Variants in MAD1L1 observed in about 807,000 individuals in gnomAD.
The protein encoded by MAD1L1 is mitotic arrest deficient 1 like 1.
Under a neutral mutation model 96.9 loss-of-function variants are expected in MAD1L1, and 95 were observed. The observed-to-expected ratio is 0.98, with a 90% CI of 0.83 to 1.16. The LOEUF is 1.16. Ranked by LOEUF, MAD1L1 falls within the 50% of genes most tolerant of loss-of-function variation. MAD1L1 has a pLI of 0.00. For synonymous variants in MAD1L1, 473 were observed against 396.6 expected, an observed-to-expected ratio of 1.19 and a Z score of -2.29; for missense variants, 1,007 against 954.4, an observed-to-expected ratio of 1.06 and a Z score of -0.73.
At chr7:1,974,292 C>A (rs1008622041) in intron 15 of MAD1L1, among the ~76,000 whole-genome samples, 1 of 152,212 alleles carries the variant, frequency 6.6e-6, no homozygotes, top group African/African-American at 2.4e-5. Context: ...GGCAAACCCA[C>A]CCTGGCACAG....
intron 18 of MAD1L1, among the ~76,000 whole-genome samples, chr7:1,858,943 G>A (rs1285089657): frequency 2.0e-5 from 3 of 152,194 alleles, no homozygotes; most frequent in African/African-American, 2.4e-5. Flanking sequence ...GGACCACCAC[G>A]CCTTTCCACT....
chr7:1,976,798 G>A (rs992851615), intron 15 of MAD1L1, among the ~76,000 whole-genome samples: 8 of 152,182 alleles, frequency 5.3e-5, no homozygotes, highest in Non-Finnish European at 1.2e-4. Flanking sequence ...CCTTGAGGTA[G>A]ACACAGAGTG....
At chr7:1,916,101 C>G (rs1274138848) in intron 17 of MAD1L1, among the ~76,000 whole-genome samples, 4 of 152,308 alleles carry the variant, frequency 2.6e-5, no homozygotes, top group Middle Eastern at 3.4e-3. Context: ...CCCACACACT[C>G]CGCACCCACC....
chr7:2,102,629 C>T (rs1279881115), intron 11 of MAD1L1, among the ~76,000 whole-genome samples: 2 of 151,942 alleles, frequency 1.3e-5, no homozygotes, highest in Admixed American at 6.5e-5. Flanking sequence ...CCACCACCCT[C>T]GCACCATCAT....
intron 16 of MAD1L1, among the ~76,000 whole-genome samples, chr7:1,946,849 G>A (rs956827338): frequency 5.3e-5 from 8 of 152,224 alleles, no homozygotes; most frequent in Non-Finnish European, 8.8e-5. Context: ...GGTGCTCCCG[G>A]GCTGCCTTGT....
At chr7:2,063,804 G>A (rs370537157) in intron 12 of MAD1L1, among the ~76,000 whole-genome samples, 26 of 152,284 alleles carry the variant, frequency 1.7e-4, no homozygotes, top group South Asian at 6.2e-4. Flanking sequence ...CATGATCCAC[G>A]GGCCACTCTG....
intron 11 of MAD1L1, among the ~76,000 whole-genome samples, chr7:2,110,683 C>G (rs1787332809): frequency 6.6e-6 from 1 of 152,180 alleles, no homozygotes; most frequent in African/African-American, 2.4e-5. Flanking sequence ...GAAGAGCCAT[C>G]ATTTCAGACT....
chr7:1,840,532 C>T lies in MAD1L1; in HGVS notation c.1999-24304G>A, dbSNP rs1783193503. ...ATCACCTGAGCTCAGGAGTTCCAGA[C>T]CAGCCTGGCCAACATGGCAAAACCC... On this transcript the variant is annotated intron_variant, in intron 18 of 18. Transcript: ENST00000265854. Among the ~76,000 whole-genome samples, 3 of 152,266 alleles carry T rather than the reference C, an allele frequency of 2.0e-5. No individual in the cohort carries two copies. The South Asian group carries it at 6.2e-4, about 32-fold the overall frequency.
At chr7:2,094,076 T>C (rs1363220561) in intron 11 of MAD1L1, among the ~76,000 whole-genome samples, 21 of 152,186 alleles carry the variant, frequency 1.4e-4, no homozygotes, top group Admixed American at 1.4e-3. Context: ...AGGACAGCAC[T>C]GGTGAGTGGG....
At chr7:1,922,223 G>A (rs1423314827) in intron 17 of MAD1L1, among the ~76,000 whole-genome samples, 5 of 152,204 alleles carry the variant, frequency 3.3e-5, no homozygotes, top group African/African-American at 1.2e-4. Context: ...CATGCAGCTG[G>A]ACCTGGCCGC....
chr7:1,831,906 CT>C (rs1173964109), intron 18 of MAD1L1, among the ~76,000 whole-genome samples: 3 of 152,226 alleles, frequency 2.0e-5, no homozygotes, highest in Non-Finnish European at 4.4e-5. Context: ...TTATTGCTCA[CT>C]GACAATGCAA....
chr7:2,028,200 C>T lies in MAD1L1; in HGVS notation c.1219-13558G>A, dbSNP rs572156644. Among the ~76,000 whole-genome samples, 8 of 151,984 alleles carry T rather than the reference C, an allele frequency of 5.3e-5. No homozygotes were observed. In the East Asian group the frequency reaches 1.2e-3, roughly 22 times the overall value. On this transcript the variant is annotated intron_variant, in intron 12 of 18. Coordinates refer to ENST00000265854, the MANE Select transcript of MAD1L1 (RefSeq NM_001013836.2). ...CAGCACTTTGGGAGGCCGAGGCAGG[C>T]GGATTACGAGGTCAGGAGATCGAGA...
intron 10 of MAD1L1, among the ~76,000 whole-genome samples, chr7:2,198,455 C>G (rs1352014342): frequency 6.6e-6 from 1 of 152,224 alleles, no homozygotes; most frequent in Non-Finnish European, 1.5e-5. Flanking sequence ...GCTCTAAGCC[C>G]AGGGCTGAGA....
At chr7:1,859,090 G>A (rs572082241) in intron 18 of MAD1L1, among the ~76,000 whole-genome samples, 1 of 85,132 alleles carries the variant, frequency 1.2e-5, no homozygotes, top group Non-Finnish European at 3.2e-5. Context: ...ACCTGAGAGA[G>A]GCCTGCAGAG....
chr7:1,963,052 C>T (rs190347429), intron 15 of MAD1L1, among the ~76,000 whole-genome samples: 74 of 152,318 alleles, frequency 4.9e-4, no homozygotes, highest in Middle Eastern at 3.4e-3. Flanking sequence ...CGGGCAACCT[C>T]GGAACACGTT....
At chr7:1,826,695 T>C (rs1782413052) in intron 18 of MAD1L1, among the ~76,000 whole-genome samples, 1 of 152,206 alleles carries the variant, frequency 6.6e-6, no homozygotes, top group African/African-American at 2.4e-5. Flanking sequence ...CAGGACAGCT[T>C]GGACAGAACG....
chr7:2,157,578 G>A (rs1366972301), intron 10 of MAD1L1, among the ~76,000 whole-genome samples: 1 of 152,142 alleles, frequency 6.6e-6, no homozygotes, highest in African/African-American at 2.4e-5. Flanking sequence ...GAAAGAGGAG[G>A]GCAGACACCT....
At chr7:2,199,124 C>T (rs756755360) in intron 10 of MAD1L1, among the ~76,000 whole-genome samples, 19 of 152,230 alleles carry the variant, frequency 1.2e-4, no homozygotes, top group Non-Finnish European at 2.1e-4. Context: ...TCCACCTGCA[C>T]GGAGATGCCC....
chr7:1,832,630 T>TTG (rs56664541), intron 18 of MAD1L1, among the ~76,000 whole-genome samples: 5 of 2,342 alleles, frequency 2.1e-3, no homozygotes, highest in African/African-American at 3.5e-3. Flanking sequence ...TTTTTTTTTT[T>TTG]GGCGGGGGGG....
Sources: allele counts gnomAD v4.1 joint callset (sites outside exome capture counted in the v4.1 genomes callset), GRCh38; gene constraint gnomAD v4.1.1; transcripts MANE v1.5; gene names NCBI Gene and HGNC (gene_info 2026-07-23, HGNC 2026-07-21).